The following ANKH variants were observed in gnomAD, a reference collection of about 807,000 sequenced individuals.
The protein encoded by ANKH is ANKH inorganic pyrophosphate transport regulator.
In ANKH, 15 loss-of-function variants were observed where a neutral mutation model predicts 49.0. That is an observed-to-expected ratio of 0.31 (90% CI 0.20 to 0.47). The LOEUF (loss-of-function observed/expected upper bound fraction) is 0.47. ANKH is among the 20% of genes least tolerant of loss of function. The pLI is 1.00. For missense variants in ANKH, 429 were observed against 652.0 expected (o/e 0.66, Z 3.72); for synonymous variants, 273 against 260.0 (o/e 1.05, Z -0.48).
At chr5:14,799,995 A>C (rs1740521587) in intron 1 of ANKH, among the ~76,000 whole-genome samples, 2 of 152,172 alleles carry the variant, frequency 1.3e-5, no homozygotes, top group Non-Finnish European at 2.9e-5. Context: ...TTAAGAGAAC[A>C]TTCCTGACTC....
intron 1 of ANKH, among the ~76,000 whole-genome samples, chr5:14,807,841 G>T (rs1178442626): frequency 6.6e-6 from 1 of 152,198 alleles, no homozygotes; most frequent in Non-Finnish European, 1.5e-5. Context: ...ATGTTCCTTG[G>T]TGAGAGGTCG....
intron 1 of ANKH, among the ~76,000 whole-genome samples, chr5:14,830,404 G>A (rs1289983089): frequency 6.6e-6 from 1 of 152,050 alleles, no homozygotes; most frequent in African/African-American, 2.4e-5. Flanking sequence ...GTCCAGTGCT[G>A]GGAAGAGTCC....
chr5:14,847,200 C>T (rs930133938), intron 1 of ANKH, among the ~76,000 whole-genome samples: 2 of 151,916 alleles, frequency 1.3e-5, no homozygotes, highest in African/African-American at 4.8e-5. Flanking sequence ...TATTTTCATC[C>T]ATATTGGGGA....
intron 8 of ANKH, among the ~76,000 whole-genome samples, chr5:14,718,639 C>G (rs979869062): frequency 1.3e-5 from 2 of 151,984 alleles, no homozygotes; most frequent in African/African-American, 4.8e-5. Context: ...GGAGAAACCC[C>G]GTTTCTACTA....
intron 1 of ANKH, among the ~76,000 whole-genome samples, chr5:14,800,358 T>C (rs1007230475): frequency 6.6e-6 from 1 of 152,256 alleles, no homozygotes; most frequent in Non-Finnish European, 1.5e-5. Flanking sequence ...TTTGAGAGGA[T>C]TGATTTCAGT....
intron 1 of ANKH, chr5:14,870,928 G>A: frequency 2.8e-6 from 1 of 356,588 alleles, no homozygotes; most frequent in Non-Finnish European, 5.5e-6. Context: ...GGAAGTACCT[G>A]GGAAATCAAC....
intron 1 of ANKH, among the ~76,000 whole-genome samples, chr5:14,826,677 T>C (rs925366382): frequency 6.6e-5 from 10 of 152,330 alleles, no homozygotes; most frequent in African/African-American, 1.9e-4. Context: ...CACAGCTGAA[T>C]TTCGGCATGA....
chr5:14,776,115 G>A (rs1049778459), intron 1 of ANKH, among the ~76,000 whole-genome samples: 6 of 152,152 alleles, frequency 3.9e-5, no homozygotes, highest in Non-Finnish European at 5.9e-5. Flanking sequence ...GCAGGGGGCC[G>A]CCCCCCGCAT....
Position 14,837,200 on chromosome 5 carries a change from T to C in ANKH, c.96+34152A>G, listed in dbSNP as rs558797174. ...AACCTAGGCAATACCATTCAGGACA[T>C]AGGCATGGGCAAGGACTTCATGACT... On this transcript the variant is annotated intron_variant, in intron 1 of 11. Transcript: ENST00000284268. Among the ~76,000 whole-genome samples the C allele has an allele frequency of 2.0e-4, 31 of 152,272 alleles. No individual in the cohort carries two copies. In the South Asian group the frequency reaches 5.2e-3, roughly 25 times the overall value.
intron 1 of ANKH, chr5:14,798,518 G>A: frequency 1.3e-6 from 1 of 772,812 alleles, no homozygotes; most frequent in Non-Finnish European, 2.0e-6. Context: ...ACAAATTGAA[G>A]GTTTGTGGCA....
At chr5:14,862,076 A>G (rs988736844) in intron 1 of ANKH, among the ~76,000 whole-genome samples, 1 of 152,186 alleles carries the variant, frequency 6.6e-6, no homozygotes, top group Non-Finnish European at 1.5e-5. Context: ...TCTCTACCAA[A>G]AATATGGAAA....
chr5:14,746,304 T>TC (rs1399558652), intron 6 of ANKH, among the ~76,000 whole-genome samples: 1 of 151,246 alleles, frequency 6.6e-6, no homozygotes, highest in African/African-American at 2.4e-5. Context: ...TTTTTTTTTT[T>TC]CCTTCTCTCT....
Position 14,711,389 on chromosome 5 carries a change from C to A in ANKH, c.1366-79G>T, listed in dbSNP as rs73048824. On this transcript the variant is annotated intron_variant, in intron 11 of 11. Coordinates refer to ENST00000284268, the MANE Select transcript of ANKH (RefSeq NM_054027.6). ...CAGAACCACGAGCAGGGAGACAACA[C>A]CGGGGTCTTGGGGGACCCCTCACTG... 3.2e-4 allele frequency: 419 copies of A among 1,298,642 alleles called. 4 individuals carry two copies. In the African/African-American group the frequency reaches 5.2e-3, roughly 16 times the overall value. The allele number at this position is 1,298,642 out of a possible 1,614,324, so 80.4% of individuals were successfully genotyped here. A position where few individuals can be genotyped will look rare whatever the true frequency, so the allele number is the denominator to read the frequency against.
chr5:14,732,613 G>T (rs531390639), intron 8 of ANKH, among the ~76,000 whole-genome samples: 16 of 152,176 alleles, frequency 1.1e-4, no homozygotes, highest in African/African-American at 3.4e-4. Context: ...GGTGGAGCTG[G>T]TGGCTGAGGA....
intron 8 of ANKH, among the ~76,000 whole-genome samples, chr5:14,734,718 C>A (rs1222512894): frequency 1.3e-5 from 2 of 152,186 alleles, no homozygotes; most frequent in Non-Finnish European, 2.9e-5. Context: ...ACGTGTCTTC[C>A]CTGTTGCTTT....
chr5:14,802,003 G>A lies in ANKH; in HGVS notation c.97-32812C>T, dbSNP rs1048339281. 5.6e-4 allele frequency among the ~76,000 whole-genome samples: 85 copies of A among 152,066 alleles called. 1 individual carries two copies. The highest frequency in any genetic ancestry group is 5.4e-3 in the Admixed American group (83 of 15,272). On this transcript the variant is annotated intron_variant, in intron 1 of 11. Coordinates refer to ENST00000284268, the MANE Select transcript of ANKH (RefSeq NM_054027.6). ...TTCCTACTGTGCATTGCTGGCAGCT[G>A]TTTCCTCTGGAGATCTCTCATCTAC... is the stretch of plus-strand genomic sequence containing the variant.
intron 1 of ANKH, among the ~76,000 whole-genome samples, chr5:14,856,020 A>G (rs1322349649): frequency 6.6e-6 from 1 of 151,814 alleles, no homozygotes; most frequent in Non-Finnish European, 1.5e-5. Context: ...GTTAGTCAAG[A>G]AAGCATAAAA....
At chr5:14,797,021 G>A in intron 1 of ANKH, 1 of 1,178,706 alleles carries the variant, frequency 8.5e-7, no homozygotes, top group Non-Finnish European at 1.1e-6. Context: ...CTATTATATA[G>A]AGGGATAGCT....
chr5:14,772,002 T>G (rs977562099), intron 1 of ANKH, among the ~76,000 whole-genome samples: 21 of 151,456 alleles, frequency 1.4e-4, no homozygotes, highest in African/African-American at 4.6e-4. Context: ...TGTCATTGAT[T>G]GTAAGATGTA....
Sources: gnomAD v4.1 joint callset for allele counts (sites outside exome capture counted in the v4.1 genomes callset) on GRCh38, gnomAD v4.1.1 for gene constraint, MANE v1.5 for transcripts, NCBI Gene and HGNC (gene_info 2026-07-23, HGNC 2026-07-21) for gene names.